HSPG2: variants seen among roughly 807,000 people sequenced by gnomAD.
HSPG2 encodes the protein heparan sulfate proteoglycan 2, also known as basement membrane-specific heparan sulfate proteoglycan core protein.
In HSPG2, 278 loss-of-function variants were observed where a neutral mutation model predicts 526.6. The ratio of observed to expected loss-of-function variants is 0.53; its 90% CI spans 0.48 to 0.58. The LOEUF (loss-of-function observed/expected upper bound fraction) is 0.58, where lower values mean the gene tolerates loss of function less well. Among genes scored for constraint, HSPG2 ranks in the 20% least tolerant of loss-of-function variants. The probability of loss-of-function intolerance (pLI) is 0.00; values close to 1 mark genes in which losing one functional copy is unlikely to be tolerated. For missense variants in HSPG2, 5,354 were observed against 6,099.5 expected, an observed-to-expected ratio of 0.88 and a Z score of 4.07; for synonymous variants, 2,465 against 2,555.4, an observed-to-expected ratio of 0.96 and a Z score of 1.07.
chr1:21,824,112 G>T lies in HSPG2; in HGVS notation c.12899+9C>A, dbSNP rs763997150. On this transcript the variant is annotated intron_variant, in intron 95 of 96. Coordinates refer to ENST00000374695, the MANE Select transcript of HSPG2 (RefSeq NM_005529.7). This position sits in a 1 kb window ranked among gnomAD's most constrained non-coding sequence, Gnocchi z 5.9. ...GGCCCCATCCCGAGTGCCCGGCAGG[G>T]TCCCTTACCGCAGTGCTGTCACCCG... 1 of 1,611,776 alleles carries T rather than the reference G, an allele frequency of 6.2e-7. No homozygotes were observed. The highest frequency in any genetic ancestry group is 8.5e-7 in the Non-Finnish European group (1 of 1,179,340).
At position 21,842,794 on chromosome 1, in the gene HSPG2, C is replaced by T. The variant is rs778318605; in HGVS notation, c.8886G>A (p.Gly2962=). ...CCTGGTGCCGGGCGGGGAGGCTGCC[C>T]CCGCGCTTGTACCACGTGACCTGGG... The part of the protein sequence containing the change: ...AHAQVTWYKR[G]GSLPARHQTH... The change falls in exon 67 of 97, where the codon GGG becomes GGA. Residue 2962 remains glycine (G), a synonymous_variant. Coordinates refer to ENST00000374695, the MANE Select transcript of HSPG2 (RefSeq NM_005529.7). 3 of 1,613,572 alleles carry T rather than the reference C, an allele frequency of 1.9e-6. No individual in the cohort carries two copies. In the East Asian group the frequency reaches 6.7e-5, roughly 36 times the overall value.
chr1:21,923,805 T>G (rs1368965694), intron 1 of HSPG2, among the ~76,000 whole-genome samples: 1 of 152,142 alleles, frequency 6.6e-6, no homozygotes, highest in African/African-American at 2.4e-5. Flanking sequence ...GGTGTTTAGA[T>G]CCAACACAAG....
rs114204610 is a variant in HSPG2, at chr1:21,849,509, C to T, written c.7447-478G>A. ...ACACACATTTCAGTGTCTCCAAAAT[C>T]AAGATGCATCTACAATGAATAACCT... On this transcript the variant is annotated intron_variant, in intron 57 of 96. Coordinates refer to ENST00000374695, the MANE Select transcript of HSPG2 (RefSeq NM_005529.7). Among the ~76,000 whole-genome samples the T allele has an allele frequency of 8.5e-3, 1,288 of 152,316 alleles. 18 individuals are homozygous for T. Among genetic ancestry groups the T allele is most frequent in the African/African-American group, 0.029 (1,215 of 41,562 alleles).
rs116788687 is a variant in HSPG2 at position 21,854,867 on chromosome 1, G to C, written c.6114C>G (p.Ile2038Met). The change falls in exon 48 of 97, where the codon ATC (isoleucine) becomes ATG (methionine). Residue 2038 changes from isoleucine (I) to methionine (M), a missense_variant. Coordinates refer to ENST00000374695, the MANE Select transcript of HSPG2 (RefSeq NM_005529.7). ...CCGTACCTGAAAGGACAACCACTTG[G>C]ATCCGGGCCTGGGCAGTGCCTGCAG... ...TSPAGTAQAR[I>M]QVVVLSASDA... 0.02 allele frequency: 32,696 copies of C among 1,614,066 alleles called. 453 individuals carry two copies. The highest frequency in any genetic ancestry group is 0.022 in the Non-Finnish European group (25,671 of 1,179,984).
rs768620316 is a variant in HSPG2, at chr1:21,846,146, G to A, written c.8426C>T (p.Thr2809Ile). 199 of 1,612,992 alleles carry A rather than the reference G, an allele frequency of 1.2e-4. No individual in the cohort carries two copies. Among genetic ancestry groups the A allele is most frequent in the Non-Finnish European group, 1.6e-4 (186 of 1,180,054 alleles). ...AGCACTTGAGCCAGAGGCTTCGATG[G>A]TGACCAGGACTGAGGCCTCCAGGGG... ...SGPLEASVLV[T>I]IEASGSSAVH... is the part of the protein sequence containing the mutation. Residue 2809 changes from threonine to isoleucine, a missense_variant, in exon 64 of 97, where the codon ACC becomes ATC. By Grantham distance (89) the Thr-to-Ile change is moderately conservative. Transcript: ENST00000374695.
At chr1:21,827,309 T>C (rs2097980520) in intron 91 of HSPG2, among the ~76,000 whole-genome samples, 1 of 152,162 alleles carries the variant, frequency 6.6e-6, no homozygotes, top group Non-Finnish European at 1.5e-5. Context: ...CACAGAGAGG[T>C]TAAGCGACTC....
At chr1:21,826,467 G>T (rs1045808273) in intron 91 of HSPG2, among the ~76,000 whole-genome samples, 1 of 151,966 alleles carries the variant, frequency 6.6e-6, no homozygotes. Context: ...GCCTCCCAAA[G>T]TGCTGGGATT....
intron 13 of HSPG2, among the ~76,000 whole-genome samples, chr1:21,881,836 A>T (rs1641531730): frequency 6.6e-6 from 1 of 151,080 alleles, no homozygotes; most frequent in African/African-American, 2.4e-5. Flanking sequence ...CCAGCTACTC[A>T]GGAGGCTGAG....
chr1:21,881,377 AGTC>A lies in HSPG2; in HGVS notation c.1777_1779del (p.Asp593del). On this transcript the variant is annotated inframe_deletion, in exon 14 of 97. Coordinates refer to ENST00000374695, the MANE Select transcript of HSPG2 (RefSeq NM_005529.7). Reference sequence around the variant, plus strand: ...AACTGTTCAGGCAGAGCCCAGAAGGAGTCGTGGACGAGGAAGCGGCGGGACAGG... The same window carrying A: ...AACTGTTCAGGCAGAGCCCAGAAGGAGTGGACGAGGAAGCGGCGGGACAGG... 6.2e-7 allele frequency: 1 copy of A among 1,614,206 alleles called. No homozygotes were observed. Among genetic ancestry groups the A allele is most frequent in the Non-Finnish European group, 8.5e-7 (1 of 1,180,038 alleles).
rs1389876160 is a variant in HSPG2, at chr1:21,873,079, A to G, written c.3806T>C (p.Val1269Ala). The G allele has an allele frequency of 5.0e-6, 8 of 1,600,864 alleles. No individual in the cohort carries two copies. The highest frequency in any genetic ancestry group is 1.7e-5 in the Admixed American group (1 of 60,006). Residue 1269 changes from valine to alanine, a missense_variant, in exon 31 of 97, where the codon GTG becomes GCG. Physicochemically the swap from Val to Ala is moderately conservative, Grantham distance 64 (BLOSUM62 0). Transcript: ENST00000374695. ...ACAGTTGCAGCCTATGGGCCCTGGC[A>G]CCTGGCTGTCTCCTGAGGTGGAAGA... ...QGQPCQRDSQ[V>A]PGPIGCNCDP...
In HSPG2 at chr1:21,828,788, G is replaced by A. The variant is rs1314926564; in HGVS notation, c.12237+47C>T. The A allele has an allele frequency of 3.2e-6, 5 of 1,549,704 alleles. No individual in the cohort carries two copies. Among genetic ancestry groups the A allele is most frequent in the South Asian group, 1.2e-5 (1 of 84,034 alleles). ...CTTGGAGAGCCGAGGGGGACACAAG[G>A]CTTGGCACCCCTCCCCTCCCGCTTG... is the stretch of plus-strand genomic sequence containing the variant. On this transcript the variant is annotated intron_variant, in intron 88 of 96. Transcript: ENST00000374695. This position sits in a 1 kb window ranked among gnomAD's most constrained non-coding sequence, Gnocchi z 6.0.
rs891964425 is a variant in HSPG2 at position 21,847,930 on chromosome 1, C to G, written c.7873+28G>C. On this transcript the variant is annotated intron_variant, in intron 60 of 96. Transcript: ENST00000374695. The surrounding 1 kb of genome is among the most constrained non-coding windows in gnomAD (Gnocchi z 4.1). ...CTCTGCCACCCTCTGCGCCACTTGTCTGTACCCCCTGCCCTCTCTGCTCTC... is the reference window on the plus strand; with the variant it reads ...CTCTGCCACCCTCTGCGCCACTTGTGTGTACCCCCTGCCCTCTCTGCTCTC... 3.7e-6 allele frequency: 6 copies of G among 1,613,708 alleles called. No individual in the cohort carries two copies. The Admixed American group carries it at 6.7e-5, about 18-fold the overall frequency.
chr1:21,856,706 C>T (rs374798333), intron 44 of HSPG2, among the ~76,000 whole-genome samples: 5 of 152,232 alleles, frequency 3.3e-5, no homozygotes, highest in African/African-American at 4.8e-5. Context: ...TGTGAGCCAC[C>T]GCTCCTGGCC....
intron 57 of HSPG2, 109 bp from the exon 58 acceptor site, chr1:21,849,140 G>A (rs931842263): frequency 1.5e-6 from 2 of 1,319,878 alleles, no homozygotes; most frequent in African/African-American, 1.5e-5. Context: ...GCTGGAACTC[G>A]ATGGAAACTC....
Position 21,855,317 on chromosome 1 carries a change from C to T in HSPG2, c.5984G>A (p.Ser1995Asn), listed in dbSNP as rs1380402967. 6.2e-7 allele frequency: 1 copy of T among 1,605,210 alleles called. No individual in the cohort carries two copies. Among genetic ancestry groups the T allele is most frequent in the Non-Finnish European group, 8.5e-7 (1 of 1,176,930 alleles). Residue 1995 changes from serine (S) to asparagine (N), a missense_variant, in exon 47 of 97, where the codon AGC becomes AAC. Transcript: ENST00000374695. Reference sequence around the variant, plus strand: ...CCATCTCCTCACCTGTGGTGGGAGGCTGCCCCCTTCCTTCCTCCAGGTGAT... The same window carrying T: ...CCATCTCCTCACCTGTGGTGGGAGGTTGCCCCCTTCCTTCCTCCAGGTGAT... The part of the protein sequence containing the change: ...ATITWRKEGG[S>N]LPPQARSERT...
At position 21,859,454 on chromosome 1, in the gene HSPG2, T is replaced by A; in HGVS notation, c.5293+112A>T. On this transcript the variant is annotated intron_variant, in intron 42 of 96. Coordinates refer to ENST00000374695, the MANE Select transcript of HSPG2 (RefSeq NM_005529.7). This position sits in a 1 kb window ranked among gnomAD's most constrained non-coding sequence, Gnocchi z 5.3. ...TCATCTCCATGGCTGCTGACCTTGT[T>A]CGGGCAACCACTGCCCCCTCCCAGC... is the stretch of plus-strand genomic sequence containing the variant. 1.2e-6 allele frequency: 1 copy of A among 816,702 alleles called. No individual in the cohort carries two copies. The highest frequency in any genetic ancestry group is 2.1e-6 in the Non-Finnish European group (1 of 483,344). The allele number at this position is 816,702 out of a possible 1,614,324, so 50.6% of individuals were successfully genotyped here. A position where few individuals can be genotyped will look rare whatever the true frequency, so the allele number is the denominator to read the frequency against.
At chr1:21,888,266 C>T (rs1213314106) in intron 6 of HSPG2, among the ~76,000 whole-genome samples, 200 bp from the exon 7 acceptor site, 1 of 152,176 alleles carries the variant, frequency 6.6e-6, no homozygotes, top group African/African-American at 2.4e-5. Context: ...CAGTGGCCTC[C>T]CCCATCTCTA....
intron 75 of HSPG2, among the ~76,000 whole-genome samples, chr1:21,835,932 C>T (rs887675937): frequency 7.1e-6 from 1 of 140,958 alleles, no homozygotes; most frequent in African/African-American, 2.7e-5. Context: ...TGCAGTAAGC[C>T]GAGATTGCGC....
chr1:21,935,481 G>A (rs1479391152), intron 1 of HSPG2, among the ~76,000 whole-genome samples: 2 of 152,212 alleles, frequency 1.3e-5, no homozygotes, highest in Non-Finnish European at 2.9e-5. Flanking sequence ...CACACAGTAG[G>A]TGCATGGCAA....
Sources: gnomAD v4.1 joint callset for allele counts (sites outside exome capture counted in the v4.1 genomes callset) on GRCh38, gnomAD v4.1.1 for gene constraint, Gnocchi (gnomAD v3.1) non-coding constraint, MANE v1.5 for transcripts, NCBI Gene and HGNC (gene_info 2026-07-23, HGNC 2026-07-21) for gene names.